The following XKR6 variants were observed in gnomAD, a reference collection of about 807,000 sequenced individuals.
XKR6 encodes the protein XK related 6.
In XKR6, 22 loss-of-function variants were observed where a neutral mutation model predicts 56.7. The ratio of observed to expected loss-of-function variants is 0.39; its 90% CI spans 0.28 to 0.55. The LOEUF (loss-of-function observed/expected upper bound fraction) is 0.55. Ranked by LOEUF, XKR6 falls within the 20% of genes least tolerant of loss-of-function variation. The probability of loss-of-function intolerance (pLI) is 0.66; values close to 1 mark genes in which losing one functional copy is unlikely to be tolerated. For missense variants in XKR6, 852 were observed against 889.0 expected (o/e 0.96, Z 0.53); for synonymous variants, 524 against 387.8 (o/e 1.35, Z -4.13).
intron 1 of XKR6, among the ~76,000 whole-genome samples, chr8:11,148,709 A>G (rs995677264): frequency 1.1e-4 from 17 of 152,224 alleles, no homozygotes; most frequent in African/African-American, 3.9e-4. Context: ...ACATGTCCAC[A>G]CAAAGACTTG....
At chr8:11,071,472 C>A (rs975279585) in intron 1 of XKR6, among the ~76,000 whole-genome samples, 1 of 76,538 alleles carries the variant, frequency 1.3e-5, no homozygotes, top group African/African-American at 8.6e-5. Flanking sequence ...AGTCTATGAG[C>A]CCCGAGTCCA....
intron 1 of XKR6, among the ~76,000 whole-genome samples, chr8:11,056,891 T>A (rs1317900075): frequency 6.6e-6 from 1 of 152,122 alleles, no homozygotes; most frequent in African/African-American, 2.4e-5. Flanking sequence ...AGGCCTCTAG[T>A]CTCACCCTTC....
intron 1 of XKR6, among the ~76,000 whole-genome samples, chr8:11,013,034 G>A (rs1222512354): frequency 1.3e-5 from 2 of 152,148 alleles, no homozygotes; most frequent in Admixed American, 6.5e-5. Flanking sequence ...AAGATGAAAC[G>A]AGGCCCAGGG....
intron 1 of XKR6, among the ~76,000 whole-genome samples, chr8:11,114,418 T>A (rs535294310): frequency 6.6e-6 from 1 of 152,314 alleles, no homozygotes; most frequent in South Asian, 2.1e-4. Flanking sequence ...TAGAGTGCAG[T>A]GGCATGGATC....
chr8:11,157,279 A>T (rs1801567997), intron 1 of XKR6, among the ~76,000 whole-genome samples: 1 of 152,162 alleles, frequency 6.6e-6, no homozygotes. Context: ...CTGAAGGAAG[A>T]CACAAATGGA....
At chr8:10,976,003 T>C (rs111921418) in intron 1 of XKR6, among the ~76,000 whole-genome samples, 6,679 of 148,424 alleles carry the variant, frequency 0.045, 208 homozygotes, top group Middle Eastern at 0.068. Context: ...TGAAACCCTG[T>C]CTCTACTAAA....
chr8:11,105,505 A>T (rs1798644879), intron 1 of XKR6: 1 of 152,236 alleles, frequency 6.6e-6, no homozygotes, highest in African/African-American at 2.4e-5. Context: ...TGCTGAGTCA[A>T]GAAGGGGGTC....
intron 1 of XKR6, among the ~76,000 whole-genome samples, chr8:11,003,325 C>T (rs956657328): frequency 6.6e-6 from 1 of 151,996 alleles, no homozygotes; most frequent in Non-Finnish European, 1.5e-5. Context: ...CCACCACCAC[C>T]ATCATTATCA....
rs74371480 is a variant in XKR6, at chr8:11,132,051, G to C, written c.764+68525C>G. ...TCTCTGCATTCTGTGCTCTGATACA[G>C]TGGGTCTCAAACTTCAGCACTGCTG... On this transcript the variant is annotated intron_variant, in intron 1 of 2. Transcript: ENST00000416569. Among the ~76,000 whole-genome samples the C allele has an allele frequency of 2.2e-3, 337 of 152,254 alleles. 2 individuals carry two copies. Among genetic ancestry groups the C allele is most frequent in the African/African-American group, 7.8e-3 (325 of 41,502 alleles).
chr8:11,183,731 C>T (rs1191347433), intron 1 of XKR6, among the ~76,000 whole-genome samples: 1 of 152,070 alleles, frequency 6.6e-6, no homozygotes, highest in Non-Finnish European at 1.5e-5. Context: ...AAAAGAGGTC[C>T]TAAGATCTGT....
At chr8:11,099,417 T>C (rs1447115457) in intron 1 of XKR6, among the ~76,000 whole-genome samples, 1 of 152,254 alleles carries the variant, frequency 6.6e-6, no homozygotes, top group Admixed American at 6.5e-5. Flanking sequence ...GGGGGAATTT[T>C]AGGCTCTGGC....
At chr8:10,969,139 G>T (rs1001568492) in intron 1 of XKR6, among the ~76,000 whole-genome samples, 1 of 152,150 alleles carries the variant, frequency 6.6e-6, no homozygotes, top group African/African-American at 2.4e-5. Context: ...TTATTTCCTG[G>T]GTCAGAGGTT....
intron 1 of XKR6, among the ~76,000 whole-genome samples, chr8:11,115,364 T>G (rs1799122366): frequency 6.6e-6 from 1 of 152,220 alleles, no homozygotes; most frequent in Non-Finnish European, 1.5e-5. Flanking sequence ...CAAAAACCAT[T>G]TATTTTAAGA....
chr8:11,177,970 G>C (rs1029924757), intron 1 of XKR6, among the ~76,000 whole-genome samples: 2 of 152,174 alleles, frequency 1.3e-5, no homozygotes, highest in African/African-American at 2.4e-5. Flanking sequence ...TGAAGTCTGA[G>C]GTCCTTCTCC....
At chr8:11,049,191 C>T (rs1418652127) in intron 1 of XKR6, among the ~76,000 whole-genome samples, 1 of 152,194 alleles carries the variant, frequency 6.6e-6, no homozygotes. Flanking sequence ...AGCTTATTCT[C>T]GGAAAAGGCA....
At chr8:10,904,511 C>T (rs1273531092) in intron 2 of XKR6, among the ~76,000 whole-genome samples, 1 of 152,062 alleles carries the variant, frequency 6.6e-6, no homozygotes, top group Non-Finnish European at 1.5e-5. Context: ...GATATGGGTG[C>T]CCTACTGAAT....
intron 1 of XKR6, among the ~76,000 whole-genome samples, chr8:10,943,271 C>A (rs778689131): frequency 6.6e-6 from 1 of 152,208 alleles, no homozygotes; most frequent in African/African-American, 2.4e-5. Flanking sequence ...CTTTGCCAGG[C>A]AAACAGGCAG....
Position 11,006,087 on chromosome 8 carries a change from G to C in XKR6, c.765-81257C>G, listed in dbSNP as rs574086981. On this transcript the variant is annotated intron_variant, in intron 1 of 2. Coordinates refer to ENST00000416569, the MANE Select transcript of XKR6 (RefSeq NM_173683.4). ...TCGAACTCCTGACCTCAAGTGATCC[G>C]CCCGCCTCGGCCTCCCAAAGTGCTG... Among the ~76,000 whole-genome samples, 35 of 152,046 alleles carry C rather than the reference G, an allele frequency of 2.3e-4. No individual in the cohort carries two copies. The South Asian group carries it at 3.3e-3, about 14-fold the overall frequency.
intron 1 of XKR6, among the ~76,000 whole-genome samples, chr8:11,054,909 T>C (rs535678339): frequency 1.2e-3 from 177 of 152,200 alleles, no homozygotes; most frequent in Non-Finnish European, 2.1e-3. Flanking sequence ...CTTTCCTAAT[T>C]CATGCAAAGG....
Sources: gnomAD v4.1 joint callset for allele counts (sites outside exome capture counted in the v4.1 genomes callset) on GRCh38, gnomAD v4.1.1 for gene constraint, MANE v1.5 for transcripts, NCBI Gene and HGNC (gene_info 2026-07-23, HGNC 2026-07-21) for gene names.